Variants in STX2 observed in about 807,000 individuals in gnomAD.
STX2 encodes syntaxin-2.
Under a neutral mutation model 40.6 loss-of-function variants are expected in STX2, and 27 were observed. That is an observed-to-expected ratio of 0.66 (90% CI 0.49 to 0.92). The LOEUF (loss-of-function observed/expected upper bound fraction) is 0.92. Among genes scored for constraint, STX2 ranks in the 40% least tolerant of loss-of-function variants. The probability of loss-of-function intolerance (pLI) is 0.00; values close to 1 mark genes in which losing one functional copy is unlikely to be tolerated. For synonymous variants in STX2, 123 were observed against 119.1 expected (o/e 1.03, Z -0.22); for missense variants, 328 against 366.1 (o/e 0.90, Z 0.85).
rs145748591 is a variant in STX2 at position 130,822,912 on chromosome 12, A to G, written c.106-1124T>C. On this transcript the variant is annotated intron_variant, in intron 2 of 10. Coordinates refer to ENST00000392373, the MANE Select transcript of STX2 (RefSeq NM_194356.4). ...GGTTAAAGTCGCAAGTGTTCTTAGA[A>G]GACAGCAGTAGATGGAGATCCAGCT... Among the ~76,000 whole-genome samples the G allele has an allele frequency of 4.9e-3, 739 of 152,364 alleles. 2 individuals are homozygous for G. Among genetic ancestry groups the G allele is most frequent in the African/African-American group, 0.017 (702 of 41,588 alleles).
At chr12:130,801,084 G>A in intron 8 of STX2, 69 bp downstream of exon 8, 4 of 1,515,048 alleles carry the variant, frequency 2.6e-6, no homozygotes, top group Non-Finnish European at 3.6e-6. Flanking sequence ...CCACTAGACA[G>A]AGTGGGATGC....
intron 1 of STX2, among the ~76,000 whole-genome samples, chr12:130,836,419 C>T (rs368406131): frequency 2.0e-5 from 3 of 151,914 alleles, no homozygotes; most frequent in Admixed American, 6.6e-5. Context: ...CACAGGCATG[C>T]ACCACTACAC....
chr12:130,798,297 C>G, intron 9 of STX2: 1 of 338,094 alleles, frequency 3.0e-6, no homozygotes, highest in East Asian at 5.4e-5. Flanking sequence ...TGCCACCACA[C>G]CCAGCCCTAG....
chr12:130,835,001 T>C (rs1236743134), intron 1 of STX2, among the ~76,000 whole-genome samples: 1 of 152,176 alleles, frequency 6.6e-6, no homozygotes, highest in Non-Finnish European at 1.5e-5. Context: ...AGAAATTATA[T>C]TTGCAGGCCA....
chr12:130,809,567 A>G (rs903069676), intron 4 of STX2, among the ~76,000 whole-genome samples: 1 of 152,234 alleles, frequency 6.6e-6, no homozygotes, highest in African/African-American at 2.4e-5. Flanking sequence ...CTGTAATCCT[A>G]GCACTTTGGG....
Position 130,801,282 on chromosome 12 carries a change from T to A in STX2, c.546A>T (p.Ser182=). The A allele has an allele frequency of 1.2e-6, 2 of 1,609,910 alleles. No homozygotes were observed. Among genetic ancestry groups the A allele is most frequent in the Non-Finnish European group, 1.7e-6 (2 of 1,177,488 alleles). The change falls in exon 8 of 11, where the codon TCA becomes TCT. Residue 182 remains serine, a synonymous_variant. Coordinates refer to ENST00000392373, the MANE Select transcript of STX2 (RefSeq NM_194356.4). The part of the protein sequence containing the change: ...KPSIFTSDII[S]DSQITRQALN... ...GAGCTTGTCTAGTAATTTGTGAATC[T>A]GATATAATCTTGGAAAAACAAAAAT...
rs1952341223 is a variant in STX2 at position 130,827,053 on chromosome 12, G to A, written c.105+140C>T. ...AGGAAAAAGAAAAAGAAAGAAGGGA[G>A]GAAGAAAGGAAGGGAGGGAGGGAGG... is the stretch of plus-strand genomic sequence containing the variant. On this transcript the variant is annotated intron_variant, in intron 2 of 10. Transcript: ENST00000392373. 7 of 567,888 alleles carry A rather than the reference G, an allele frequency of 1.2e-5. No individual in the cohort carries two copies. In the South Asian group the frequency reaches 1.3e-4, roughly 10 times the overall value. The allele number at this position is 567,888 out of a possible 1,614,324, so 35.2% of individuals were successfully genotyped here.
chr12:130,794,045 T>C (rs1950955710), intron 10 of STX2, among the ~76,000 whole-genome samples: 1 of 152,170 alleles, frequency 6.6e-6, no homozygotes, highest in Non-Finnish European at 1.5e-5. Context: ...TAGTCAACCT[T>C]AATGCCAAGT....
At chr12:130,807,704 C>T (rs1485139644) in intron 5 of STX2, among the ~76,000 whole-genome samples, 1 of 152,208 alleles carries the variant, frequency 6.6e-6, no homozygotes, top group Non-Finnish European at 1.5e-5. Flanking sequence ...TGGATAATTC[C>T]CTACTCTTTG....
chr12:130,818,256 A>T (rs2136307975), intron 3 of STX2, among the ~76,000 whole-genome samples: 1 of 142,048 alleles, frequency 7.0e-6, no homozygotes, highest in South Asian at 2.2e-4. Flanking sequence ...CTGTAATCCC[A>T]GCTACTCGGG....
intron 2 of STX2, among the ~76,000 whole-genome samples, chr12:130,825,515 C>G (rs535801894): frequency 4.0e-4 from 61 of 152,358 alleles, no homozygotes; most frequent in African/African-American, 1.5e-3. Flanking sequence ...TAAAAAGTCT[C>G]ATTTCCAAGA....
chr12:130,825,365 A>G (rs1952263850), intron 2 of STX2, among the ~76,000 whole-genome samples: 1 of 152,214 alleles, frequency 6.6e-6, no homozygotes, highest in South Asian at 2.1e-4. Flanking sequence ...TATTAAATGC[A>G]ACACTTAATG....
At chr12:130,821,905 A>G (rs1372209740) in intron 2 of STX2, 117 bp from the exon 3 acceptor site, 4 of 619,434 alleles carry the variant, frequency 6.5e-6, no homozygotes, top group Admixed American at 3.1e-5. Flanking sequence ...AAGAAATAAA[A>G]GCCTCTCCCA....
chr12:130,831,771 TTTTG>T (rs1160341334), intron 1 of STX2, among the ~76,000 whole-genome samples: 4 of 152,214 alleles, frequency 2.6e-5, no homozygotes, highest in Admixed American at 6.5e-5. Flanking sequence ...TTTTTTATTT[TTTTG>T]TATTTTTACT....
chr12:130,829,286 C>G (rs769320431), intron 1 of STX2, among the ~76,000 whole-genome samples: 8 of 152,236 alleles, frequency 5.3e-5, no homozygotes, highest in Non-Finnish European at 1.0e-4. Context: ...CCGTCCTTTA[C>G]TTCCAGCTCA....
intron 4 of STX2, chr12:130,812,394 G>T (rs1203491307): frequency 1.1e-5 from 5 of 452,358 alleles, no homozygotes; most frequent in Non-Finnish European, 2.2e-5. Context: ...CTGTGGAGCT[G>T]GGGGGTCGGC....
rs1314250778 is a variant in STX2 at position 130,801,408 on chromosome 12, C to A, written c.537+7G>T. ...ACATGGAGCCACAGGGCCGCACCCC[C>A]ACTCACGTCGGAAGTGAAGATGGAT... On this transcript the variant is annotated splice_region_variant and intron_variant, in intron 7 of 10. Coordinates refer to ENST00000392373, the MANE Select transcript of STX2 (RefSeq NM_194356.4). The A allele has an allele frequency of 4.4e-6, 7 of 1,606,560 alleles. No individual in the cohort carries two copies. The highest frequency in any genetic ancestry group is 6.0e-6 in the Non-Finnish European group (7 of 1,175,702).
intron 5 of STX2, among the ~76,000 whole-genome samples, chr12:130,807,991 TC>T (rs766553209): frequency 1.4e-4 from 21 of 151,110 alleles, no homozygotes; most frequent in African/African-American, 4.1e-4. Flanking sequence ...AGAATCCATA[TC>T]CCCCCCACCA....
chr12:130,823,318 CA>C (rs149497311), intron 2 of STX2, among the ~76,000 whole-genome samples: 2 of 151,936 alleles, frequency 1.3e-5, no homozygotes, highest in South Asian at 2.1e-4. Context: ...CTCTTAAAAA[CA>C]AAAAAAGGAA....
Sources: gnomAD v4.1 joint callset for allele counts (sites outside exome capture counted in the v4.1 genomes callset) on GRCh38, gnomAD v4.1.1 for gene constraint, MANE v1.5 for transcripts, NCBI Gene and HGNC (gene_info 2026-07-23, HGNC 2026-07-21) for gene names.